The following NPAS3 variants were observed in gnomAD, a reference collection of about 807,000 sequenced individuals.
NPAS3 encodes the protein neuronal PAS domain protein 3, also known as neuronal PAS domain-containing protein 3.
NPAS3 carries 14 observed loss-of-function variants against 73.1 expected under a neutral mutation model. The observed-to-expected ratio is 0.19, with a 90% CI of 0.13 to 0.30. The LOEUF (loss-of-function observed/expected upper bound fraction) is 0.30. NPAS3 is among the 10% of genes least tolerant of loss of function. NPAS3 has a pLI of 1.00. For missense variants in NPAS3, 1,096 were observed against 1,250.0 expected (o/e 0.88, Z 1.86); for synonymous variants, 620 against 541.5 (o/e 1.14, Z -2.01).
chr14:33,490,855 G>A (rs2051859306), intron 4 of NPAS3, among the ~76,000 whole-genome samples: 1 of 152,208 alleles, frequency 6.6e-6, no homozygotes, highest in African/African-American at 2.4e-5. Flanking sequence ...GCCGCTGCCA[G>A]TAGCACCACC....
At chr14:33,383,216 A>C (rs1218017314) in intron 4 of NPAS3, among the ~76,000 whole-genome samples, 1 of 152,096 alleles carries the variant, frequency 6.6e-6, no homozygotes, top group African/African-American at 2.4e-5. Flanking sequence ...ATTGTAAGCA[A>C]CTTGAAGATG....
intron 5 of NPAS3, among the ~76,000 whole-genome samples, chr14:33,597,962 A>G (rs17101599): frequency 0.019 from 2,964 of 152,278 alleles, 101 homozygotes; most frequent in African/African-American, 0.068. Context: ...GCTTCCTCCA[A>G]AGTTGCTAAA....
rs146143466 is a variant in NPAS3, at chr14:33,517,339, G to A, written c.469-42782G>A. The stretch of plus-strand genomic sequence containing the variant: ...TCTACACCCTATTCACCAAAAAACT[G>A]TCGAAATGTCATGACATACATTACA... On this transcript the variant is annotated intron_variant, in intron 4 of 11. Coordinates refer to ENST00000356141, the Ensembl canonical transcript of NPAS3. Among the ~76,000 whole-genome samples the A allele has an allele frequency of 2.6e-3, 394 of 152,120 alleles. 2 individuals carry two copies. The highest frequency in any genetic ancestry group is 7.7e-3 in the African/African-American group (318 of 41,526).
At chr14:33,378,635 C>CA (rs1031400545) in intron 4 of NPAS3, among the ~76,000 whole-genome samples, 5 of 151,198 alleles carry the variant, frequency 3.3e-5, no homozygotes, top group African/African-American at 4.9e-5. Flanking sequence ...GACTCCACCT[C>CA]AAAAAAAATA....
At chr14:33,197,985 C>T (rs888039278) in intron 2 of NPAS3, among the ~76,000 whole-genome samples, 2 of 152,180 alleles carry the variant, frequency 1.3e-5, no homozygotes, top group African/African-American at 4.8e-5. Context: ...GGTTCATGGT[C>T]TCACTGGCTT....
At chr14:33,510,285 G>C (rs1333585029) in intron 4 of NPAS3, among the ~76,000 whole-genome samples, 1 of 152,038 alleles carries the variant, frequency 6.6e-6, no homozygotes, top group Non-Finnish European at 1.5e-5. Flanking sequence ...CCCTTTAGGG[G>C]CCTCCACATC....
rs74954649 is a variant in NPAS3 at position 33,436,390 on chromosome 14, C to G, written c.468+69122C>G. Among the ~76,000 whole-genome samples, 1,069 of 152,150 alleles carry G rather than the reference C, an allele frequency of 7.0e-3. 6 individuals carry two copies. Among genetic ancestry groups the G allele is most frequent in the Non-Finnish European group, 0.012 (807 of 68,002 alleles). ...GCAAGTGTGGTATATTTCAACACACCTTTAAACCTTTTGACGTTAATATTT... is the reference window on the plus strand; with the variant it reads ...GCAAGTGTGGTATATTTCAACACACGTTTAAACCTTTTGACGTTAATATTT... On this transcript the variant is annotated intron_variant, in intron 4 of 11. Transcript: ENST00000356141.
At chr14:33,735,574 A>C (rs764259114) in intron 7 of NPAS3, among the ~76,000 whole-genome samples, 4 of 152,140 alleles carry the variant, frequency 2.6e-5, no homozygotes, top group Non-Finnish European at 5.9e-5. Context: ...CATTGATTAA[A>C]AATATGCCAA....
chr14:33,306,917 C>T (rs1038783118), intron 3 of NPAS3, among the ~76,000 whole-genome samples: 12 of 152,112 alleles, frequency 7.9e-5, no homozygotes, highest in African/African-American at 2.4e-4. Flanking sequence ...AGTGTCTATT[C>T]GGGTTCCAGA....
intron 4 of NPAS3, among the ~76,000 whole-genome samples, chr14:33,441,313 G>A (rs1325291004): frequency 6.6e-6 from 1 of 152,068 alleles, no homozygotes; most frequent in Non-Finnish European, 1.5e-5. Context: ...AGAGACTTCT[G>A]CAACATTCCT....
At chr14:33,680,646 C>G (rs868753642) in intron 6 of NPAS3, 4 of 702,520 alleles carry the variant, frequency 5.7e-6, no homozygotes, top group Admixed American at 2.0e-5. Flanking sequence ...TTCTGTAGGA[C>G]CCCTGTCAGG....
intron 5 of NPAS3, among the ~76,000 whole-genome samples, chr14:33,664,029 T>G (rs542494698): frequency 9.2e-5 from 14 of 151,678 alleles, no homozygotes; most frequent in African/African-American, 2.9e-4. Context: ...GGTTTTCGTG[T>G]CTCTATCCCA....
chr14:33,350,583 G>T (rs1394616299), intron 3 of NPAS3, among the ~76,000 whole-genome samples: 1 of 152,230 alleles, frequency 6.6e-6, no homozygotes, highest in Non-Finnish European at 1.5e-5. Context: ...AAGAACAAAC[G>T]CACTGAAGAG....
intron 2 of NPAS3, among the ~76,000 whole-genome samples, chr14:33,062,720 T>C (rs2041152863): frequency 6.6e-6 from 1 of 152,206 alleles, no homozygotes; most frequent in African/African-American, 2.4e-5. Context: ...GAGCCTTTTG[T>C]AGGCACGCTG....
chr14:32,934,946 G>C, upstream of NPAS3: 5 of 1,242,340 alleles, frequency 4.0e-6, no homozygotes, highest in Non-Finnish European at 5.1e-6. The surrounding 1 kb of genome is among the most constrained non-coding windows in gnomAD (Gnocchi z 4.1). Flanking sequence ...GGGAGGGCCG[G>C]CGCCGCGGCC....
chr14:32,993,453 C>T, intron 1 of NPAS3, among the ~76,000 whole-genome samples: 1 of 152,080 alleles, frequency 6.6e-6, no homozygotes, highest in East Asian at 1.9e-4. Context: ...AAATTCCTTC[C>T]TTTGTGTAGG....
intron 5 of NPAS3, among the ~76,000 whole-genome samples, chr14:33,563,590 C>G (rs1240839655): frequency 7.1e-6 from 1 of 140,588 alleles, no homozygotes; most frequent in Non-Finnish European, 1.5e-5. Flanking sequence ...TTTAACCTAA[C>G]AACATCCAAG....
At chr14:33,477,242 A>G (rs1309475387) in intron 4 of NPAS3, among the ~76,000 whole-genome samples, 1 of 152,156 alleles carries the variant, frequency 6.6e-6, no homozygotes, top group Non-Finnish European at 1.5e-5. Flanking sequence ...TGCTTTTCTC[A>G]GAACCCTTTT....
chr14:33,503,781 G>A (rs559983233), intron 4 of NPAS3, among the ~76,000 whole-genome samples: 13 of 152,002 alleles, frequency 8.6e-5, no homozygotes, highest in African/African-American at 2.6e-4. Context: ...ACTCCCAACC[G>A]AATCTTTTTC....
Sources: gnomAD v4.1 joint callset for allele counts (sites outside exome capture counted in the v4.1 genomes callset) on GRCh38, gnomAD v4.1.1 for gene constraint, Gnocchi (gnomAD v3.1) non-coding constraint, MANE v1.5 for transcripts, NCBI Gene and HGNC (gene_info 2026-07-23, HGNC 2026-07-21) for gene names.